CNTN4: variants seen among roughly 807,000 people sequenced by gnomAD.
The protein encoded by CNTN4 is contactin-4.
In CNTN4, 77 loss-of-function variants were observed where a neutral mutation model predicts 122.5. The ratio of observed to expected loss-of-function variants is 0.63; its 90% confidence interval spans 0.52 to 0.76. The LOEUF is 0.76. Among genes scored for constraint, CNTN4 ranks in the 30% least tolerant of loss-of-function variants. CNTN4 has a pLI of 0.00. For missense variants in CNTN4, 1,256 were observed against 1,259.1 expected (o/e 1.00, Z 0.04); for synonymous variants, 512 against 447.0 (o/e 1.15, Z -1.83).
chr3:2,297,554 C>T (rs1421481315), intron 2 of CNTN4, among the ~76,000 whole-genome samples: 3 of 152,130 alleles, frequency 2.0e-5, no homozygotes, highest in African/African-American at 7.2e-5. Flanking sequence ...TTTCACCCTG[C>T]CCATTTAATC....
chr3:2,312,192 G>T (rs1055646848), intron 2 of CNTN4, among the ~76,000 whole-genome samples: 1 of 151,928 alleles, frequency 6.6e-6, no homozygotes, highest in Non-Finnish European at 1.5e-5. Flanking sequence ...ACCTCGTGAG[G>T]CCAAACATAT....
At chr3:2,242,632 A>T (rs1437505719) in intron 2 of CNTN4, among the ~76,000 whole-genome samples, 1 of 152,158 alleles carries the variant, frequency 6.6e-6, no homozygotes, top group Admixed American at 6.5e-5. Flanking sequence ...ATTGTCCTTG[A>T]ATAGTCAGTT....
intron 2 of CNTN4, among the ~76,000 whole-genome samples, chr3:2,149,377 A>G (rs777335663): frequency 6.6e-6 from 1 of 152,210 alleles, no homozygotes; most frequent in Non-Finnish European, 1.5e-5. Context: ...TTTAGTCTGT[A>G]GAGGGATACG....
intron 3 of CNTN4, among the ~76,000 whole-genome samples, chr3:2,436,786 GTATATATTTTCTTCAAATATATATGAAA>G (rs2048273470): frequency 3.5e-5 from 5 of 144,530 alleles, no homozygotes; most frequent in African/African-American, 1.3e-4. Flanking sequence ...TGAAATATAT[GTATATATTTTCTTCAAATATATATGAAA>G]TATATGTATA....
intron 13 of CNTN4, among the ~76,000 whole-genome samples, chr3:2,978,303 T>G (rs1693618633): frequency 6.6e-6 from 1 of 152,184 alleles, no homozygotes; most frequent in African/African-American, 2.4e-5. Flanking sequence ...AACCACAGGC[T>G]ACCCTAAATC....
At chr3:2,625,233 A>T (rs1371168988) in intron 4 of CNTN4, among the ~76,000 whole-genome samples, 1 of 152,090 alleles carries the variant, frequency 6.6e-6, no homozygotes, top group African/African-American at 2.4e-5. Context: ...ATCCATGCAC[A>T]CCTCCCACAA....
chr3:2,429,643 C>T (rs1489447107), intron 3 of CNTN4, among the ~76,000 whole-genome samples: 1 of 152,204 alleles, frequency 6.6e-6, no homozygotes. Context: ...GCAGTAGTTT[C>T]TGCTGCCTTT....
At chr3:2,891,645 C>T (rs190733094) in intron 10 of CNTN4, among the ~76,000 whole-genome samples, 1,817 of 152,178 alleles carry the variant, frequency 0.012, 12 homozygotes, top group Non-Finnish European at 0.018. Context: ...GACTCTGAGG[C>T]AGAAAACTAC....
At chr3:2,680,264 G>A (rs1349524524) in intron 4 of CNTN4, among the ~76,000 whole-genome samples, 1 of 152,156 alleles carries the variant, frequency 6.6e-6, no homozygotes, top group Non-Finnish European at 1.5e-5. Flanking sequence ...TCAAAAAGAG[G>A]GAGATTATTT....
intron 2 of CNTN4, among the ~76,000 whole-genome samples, chr3:2,148,450 T>C (rs958804821): frequency 6.6e-6 from 1 of 151,910 alleles, no homozygotes; most frequent in Non-Finnish European, 1.5e-5. Flanking sequence ...TAGAAATCAC[T>C]TGAGCTCAGA....
intron 2 of CNTN4, among the ~76,000 whole-genome samples, chr3:2,131,648 T>C (rs1040167451): frequency 1.3e-5 from 2 of 152,212 alleles, no homozygotes; most frequent in African/African-American, 4.8e-5. Context: ...CACACTCATG[T>C]AAAATGTCCA....
At chr3:2,158,604 T>C (rs2035825667) in intron 2 of CNTN4, among the ~76,000 whole-genome samples, 1 of 152,218 alleles carries the variant, frequency 6.6e-6, no homozygotes, top group Non-Finnish European at 1.5e-5. Flanking sequence ...TGGAAGTGAA[T>C]ATGTCCACAT....
At position 2,646,761 on chromosome 3, in the gene CNTN4, G is replaced by A. The variant is rs146542567; in HGVS notation, c.55+75203G>A. ...ATTGTTCCTGAGGACTCTCTCCCTG[G>A]TTTTCAGATGATCACCTTCTCCCTG... On this transcript the variant is annotated intron_variant, in intron 4 of 24. Coordinates refer to ENST00000418658, the MANE Select transcript of CNTN4 (RefSeq NM_175607.3). 3.5e-3 allele frequency among the ~76,000 whole-genome samples: 532 copies of A among 152,232 alleles called. 9 individuals carry two copies. The highest frequency in any genetic ancestry group is 2.5e-3 in the Non-Finnish European group (170 of 68,010).
chr3:2,180,621 A>G (rs1438675772), intron 2 of CNTN4, among the ~76,000 whole-genome samples: 2 of 152,028 alleles, frequency 1.3e-5, no homozygotes, highest in East Asian at 1.9e-4. Flanking sequence ...TTCCCAGTCC[A>G]GTTTCTTGAA....
intron 13 of CNTN4, among the ~76,000 whole-genome samples, chr3:2,979,111 C>T (rs1338861363): frequency 3.3e-5 from 5 of 152,252 alleles, no homozygotes; most frequent in Non-Finnish European, 4.4e-5. Context: ...TTGTGACTGC[C>T]GGCACCTTTG....
chr3:2,156,449 C>T (rs561181370), intron 2 of CNTN4, among the ~76,000 whole-genome samples: 1 of 152,334 alleles, frequency 6.6e-6, no homozygotes, highest in Admixed American at 6.5e-5. Flanking sequence ...CGTGTGGCAG[C>T]AGTAAGCAAT....
At chr3:2,451,947 A>G (rs2048845208) in intron 3 of CNTN4, among the ~76,000 whole-genome samples, 1 of 152,194 alleles carries the variant, frequency 6.6e-6, no homozygotes, top group African/African-American at 2.4e-5. Flanking sequence ...TCTATTTTAC[A>G]TAAAGCGTGC....
intron 6 of CNTN4, among the ~76,000 whole-genome samples, chr3:2,750,262 G>A (rs2090026084): frequency 6.6e-6 from 1 of 152,136 alleles, no homozygotes; most frequent in Admixed American, 6.6e-5. Flanking sequence ...TATTTACCAT[G>A]TTACAATTTT....
At chr3:2,981,381 T>C (rs535588730) in intron 13 of CNTN4, among the ~76,000 whole-genome samples, 4 of 151,854 alleles carry the variant, frequency 2.6e-5, no homozygotes, top group Admixed American at 6.5e-5. Context: ...GAGTTGGAGC[T>C]TGCAGTGAGC....
Sources: gnomAD v4.1 joint callset for allele counts (sites outside exome capture counted in the v4.1 genomes callset) on GRCh38, gnomAD v4.1.1 for gene constraint, MANE v1.5 for transcripts, NCBI Gene and HGNC (gene_info 2026-07-23, HGNC 2026-07-21) for gene names.